The following RGS6 variants were observed in gnomAD, a reference collection of about 807,000 sequenced individuals.
RGS6 encodes the protein regulator of G protein signaling 6, also known as regulator of G-protein signaling 6.
In RGS6, 30 loss-of-function variants were observed where a neutral mutation model predicts 78.5. The ratio of observed to expected loss-of-function variants is 0.38; its 90% CI spans 0.29 to 0.52. RGS6 has a LOEUF of 0.52. RGS6 is among the 20% of genes least tolerant of loss of function. The pLI, the probability that RGS6 is intolerant of heterozygous loss-of-function variation, is 0.85. For missense variants in RGS6, 495 were observed against 609.7 expected, an observed-to-expected ratio of 0.81 and a Z score of 1.98; for synonymous variants, 206 against 206.0, an observed-to-expected ratio of 1.00 and a Z score of 0.00.
intron 2 of RGS6, among the ~76,000 whole-genome samples, chr14:72,009,037 A>C (rs1339636691): frequency 6.6e-6 from 1 of 152,182 alleles, no homozygotes; most frequent in African/African-American, 2.4e-5. Flanking sequence ...TGCTAGGCAG[A>C]GGGTGTGTAA....
chr14:72,091,074 C>T (rs1454469627), intron 2 of RGS6, among the ~76,000 whole-genome samples: 1 of 152,092 alleles, frequency 6.6e-6, no homozygotes, highest in Admixed American at 6.6e-5. Context: ...GTGAGAAAGT[C>T]AGTACCAGTT....
intron 2 of RGS6, among the ~76,000 whole-genome samples, chr14:72,334,185 T>A (rs115208676): frequency 0.011 from 1,674 of 152,294 alleles, 29 homozygotes; most frequent in African/African-American, 0.038. Context: ...CACCCCTACA[T>A]TTAATGGGGC....
chr14:72,408,464 A>G (rs1351028154), intron 3 of RGS6, among the ~76,000 whole-genome samples: 4 of 152,212 alleles, frequency 2.6e-5, no homozygotes, highest in African/African-American at 9.6e-5. Context: ...ACTTCATCTA[A>G]AATCACATCA....
chr14:72,222,366 CT>C (rs2047074730), intron 2 of RGS6, among the ~76,000 whole-genome samples: 1 of 152,198 alleles, frequency 6.6e-6, no homozygotes, highest in Non-Finnish European at 1.5e-5. Flanking sequence ...TCCTTGAACC[CT>C]TGAAACTGTT....
At chr14:71,922,870 A>G in the RGS6 span, among the ~76,000 whole-genome samples, 1 of 152,042 alleles carries the variant, frequency 6.6e-6, no homozygotes, top group African/African-American at 2.4e-5. Context: ...ACAAAACAAA[A>G]CAAAACAAAA....
Position 72,018,860 on chromosome 14 carries a change from G to A in RGS6, c.84+53985G>A, listed in dbSNP as rs372450319. Among the ~76,000 whole-genome samples, 53 of 152,164 alleles carry A rather than the reference G, an allele frequency of 3.5e-4. No individual in the cohort carries two copies. In the East Asian group the frequency reaches 6.6e-3, roughly 19 times the overall value. On this transcript the variant is annotated intron_variant, in intron 2 of 17. Transcript: ENST00000553525. ...GGTTTTAGTTGTTGCTTTGTTTCTG[G>A]CACCTGGTAATTTCTTCTTTCTTAT...
At chr14:72,188,754 G>C (rs2097284190) in intron 2 of RGS6, among the ~76,000 whole-genome samples, 1 of 151,936 alleles carries the variant, frequency 6.6e-6, no homozygotes, top group South Asian at 2.1e-4. Flanking sequence ...TTTGTTCCTG[G>C]GCTCATGTAA....
the RGS6 span, among the ~76,000 whole-genome samples, chr14:71,920,297 A>T: frequency 6.6e-6 from 1 of 152,332 alleles, no homozygotes; most frequent in East Asian, 1.9e-4. Flanking sequence ...AATCTACTAA[A>T]GGCTCTACTT....
chr14:71,957,994 C>A (rs1455163871), intron 1 of RGS6, among the ~76,000 whole-genome samples: 4 of 150,736 alleles, frequency 2.7e-5, no homozygotes, highest in Non-Finnish European at 5.9e-5. Context: ...TCTTGAACTC[C>A]CAGGTTTAAG....
chr14:72,129,463 C>G (rs2153586596), intron 2 of RGS6, among the ~76,000 whole-genome samples: 1 of 152,338 alleles, frequency 6.6e-6, no homozygotes, highest in South Asian at 2.1e-4. Context: ...CTCACCCTGG[C>G]TGTGCCAAGT....
chr14:72,454,183 A>G (rs2095570187), intron 3 of RGS6, among the ~76,000 whole-genome samples: 1 of 152,190 alleles, frequency 6.6e-6, no homozygotes, highest in Non-Finnish European at 1.5e-5. Flanking sequence ...GATGGTAGGG[A>G]GCTGATGAGG....
chr14:72,614,119 G>T, the RGS6 span, among the ~76,000 whole-genome samples: 3 of 152,200 alleles, frequency 2.0e-5, no homozygotes, highest in African/African-American at 7.2e-5. Context: ...CACACTCAGG[G>T]CTGGTGGCCG....
chr14:72,571,352 C>T (rs371125640), downstream of RGS6, among the ~76,000 whole-genome samples: 10 of 152,258 alleles, frequency 6.6e-5, no homozygotes, highest in East Asian at 3.9e-4. Flanking sequence ...CTTCCACTGA[C>T]GCCACACCCA....
chr14:72,063,656 T>G (rs1313290855), intron 2 of RGS6, among the ~76,000 whole-genome samples: 1 of 152,132 alleles, frequency 6.6e-6, no homozygotes, highest in Non-Finnish European at 1.5e-5. Context: ...GATAAAGAAA[T>G]TGACAGAAGC....
intron 2 of RGS6, among the ~76,000 whole-genome samples, chr14:72,065,869 C>T (rs902557203): frequency 6.6e-6 from 1 of 151,588 alleles, no homozygotes; most frequent in African/African-American, 2.4e-5. Flanking sequence ...TGTGCTGCAC[C>T]CACTAACTCA....
chr14:72,609,420 C>T, the RGS6 span, among the ~76,000 whole-genome samples: 13 of 152,306 alleles, frequency 8.5e-5, no homozygotes, highest in East Asian at 2.5e-3. Context: ...GTAGGTTCTC[C>T]TGGAGATTGT....
At chr14:72,120,212 T>C (rs2096012095) in intron 2 of RGS6, among the ~76,000 whole-genome samples, 1 of 152,250 alleles carries the variant, frequency 6.6e-6, no homozygotes, top group South Asian at 2.1e-4. Context: ...TAAGGAATGA[T>C]AGATTCTTTG....
rs1202825093 is a variant in RGS6 at position 71,976,471 on chromosome 14, C to G, written c.84+11596C>G. ...GTTCCCCTTCCTGTGTCCATGTGAT[C>G]TCATTGTTCAGTTCCCACCTATGAG... On this transcript the variant is annotated intron_variant, in intron 2 of 17. Transcript: ENST00000553525. Among the ~76,000 whole-genome samples the G allele has an allele frequency of 4.9e-5, 7 of 143,894 alleles. No homozygotes were observed. In the South Asian group the frequency reaches 1.5e-3, roughly 31 times the overall value. The allele number at this position is 143,894 out of a possible 152,430, so 94.4% of individuals were successfully genotyped here.
rs550398534 is a variant in RGS6, at chr14:72,087,157, G to C, written c.84+122282G>C. On this transcript the variant is annotated intron_variant, in intron 2 of 17. Transcript: ENST00000553525. ...ATTATGATTATTATTTTGAGATGGAGTCTCACTCTGTTGCTCAAGCTGGAG... is the reference window on the plus strand; with the variant it reads ...ATTATGATTATTATTTTGAGATGGACTCTCACTCTGTTGCTCAAGCTGGAG... Among the ~76,000 whole-genome samples the C allele has an allele frequency of 2.6e-4, 39 of 152,184 alleles. No individual in the cohort carries two copies. The South Asian group carries it at 7.1e-3, about 28-fold the overall frequency.
Sources: allele counts gnomAD v4.1 joint callset (sites outside exome capture counted in the v4.1 genomes callset), GRCh38; gene constraint gnomAD v4.1.1; transcripts MANE v1.5; gene names NCBI Gene and HGNC (gene_info 2026-07-23, HGNC 2026-07-21).